The following ABCC6 variants were observed in gnomAD, a reference collection of about 807,000 sequenced individuals.
ABCC6 encodes the protein ATP binding cassette subfamily C member 6.
A neutral mutation model predicts 169.5 loss-of-function variants in ABCC6; 126 were observed. The observed-to-expected ratio is 0.74, with a 90% CI of 0.64 to 0.86. The LOEUF is 0.86. Among genes scored for constraint, ABCC6 ranks in the 40% least tolerant of loss-of-function variants. The pLI is 0.00. For missense variants in ABCC6, 1,733 were observed against 1,927.2 expected, an observed-to-expected ratio of 0.90 and a Z score of 1.89; for synonymous variants, 752 against 814.7, an observed-to-expected ratio of 0.92 and a Z score of 1.31.
chr16:16,173,747 T>C (rs551212709), intron 20 of ABCC6, among the ~76,000 whole-genome samples: 118 of 151,644 alleles, frequency 7.8e-4, no homozygotes, highest in African/African-American at 2.8e-3. Flanking sequence ...CAGGTTGGTC[T>C]CAAACTCCTG....
intron 26 of ABCC6, among the ~76,000 whole-genome samples, chr16:16,158,680 G>T (rs1482920737): frequency 6.6e-6 from 1 of 152,082 alleles, no homozygotes; most frequent in East Asian, 1.9e-4. Flanking sequence ...CTGTTATGTT[G>T]CTGGAATTTT....
At chr16:16,207,016 T>C (rs1433908050) in intron 7 of ABCC6, among the ~76,000 whole-genome samples, 1 of 152,064 alleles carries the variant, frequency 6.6e-6, no homozygotes, top group Admixed American at 6.6e-5. Context: ...GGCACACGCC[T>C]GTGGTCCCAG....
At chr16:16,214,180 C>A in intron 5 of ABCC6, 144 bp downstream of exon 5, 2 of 1,469,780 alleles carry the variant, frequency 1.4e-6, no homozygotes, top group South Asian at 2.5e-5. Flanking sequence ...TAGAAAAAGT[C>A]TGCCAACTGT....
chr16:16,211,444 A>C (rs1222403254), intron 6 of ABCC6, among the ~76,000 whole-genome samples: 1 of 152,144 alleles, frequency 6.6e-6, no homozygotes, highest in African/African-American at 2.4e-5. Flanking sequence ...ATTATTTGCC[A>C]GGCCCTGTTC....
intron 30 of ABCC6, 101 bp from the exon 31 acceptor site, chr16:16,150,342 A>C: frequency 6.4e-7 from 1 of 1,574,686 alleles, no homozygotes; most frequent in South Asian, 1.1e-5. Context: ...TCTCCATAGA[A>C]GTCCTGCTTT....
Position 16,175,942 on chromosome 16 carries a change from C to T in ABCC6, c.2635G>A (p.Ala879Thr), listed in dbSNP as rs377008733. 404 of 1,614,050 alleles carry T rather than the reference C, an allele frequency of 2.5e-4. No homozygotes were observed. The highest frequency in any genetic ancestry group is 3.4e-4 in the Non-Finnish European group (397 of 1,180,032). Residue 879 changes from alanine to threonine, a missense_variant, in exon 20 of 31, where the codon GCA (alanine) becomes ACA (threonine). By Grantham distance (58) the Ala-to-Thr change is moderately conservative. Transcript: ENST00000205557. The stretch of plus-strand genomic sequence containing the variant: ...CGTCTAAGCTCGGGCCTCCTGCCTG[C>T]AGAGGTGCCTCTGGGGTCCTTGGTG... ...TSTKDPRGTSAGRRPELRRER... is the reference protein window; with the variant it reads ...TSTKDPRGTSTGRRPELRRER...
At chr16:16,152,294 G>A (rs2046409158) in intron 29 of ABCC6, among the ~76,000 whole-genome samples, 1 of 151,044 alleles carries the variant, frequency 6.6e-6, no homozygotes, top group Non-Finnish European at 1.5e-5. Flanking sequence ...GAGATTCCAG[G>A]TTGTGAGCCC....
At chr16:16,212,472 C>T (rs970327886) in intron 5 of ABCC6, among the ~76,000 whole-genome samples, 1 of 149,908 alleles carries the variant, frequency 6.7e-6, no homozygotes, top group African/African-American at 2.5e-5. Context: ...CCACACACAG[C>T]TAATTTTTTG....
At chr16:16,150,863 G>T in intron 29 of ABCC6, 91 bp from the exon 30 acceptor site, 1 of 1,549,866 alleles carries the variant, frequency 6.5e-7, no homozygotes, top group Non-Finnish European at 8.7e-7. Flanking sequence ...CTGAAGCAGT[G>T]CAGGAGTGAG....
At position 16,220,608 on chromosome 16, in the gene ABCC6, G is replaced by C. The variant is rs4781764; in HGVS notation, c.220-661C>G. On this transcript the variant is annotated intron_variant, in intron 2 of 30. Transcript: ENST00000205557. ...ACTACAAATAAAGTTTTATTGAAAC[G>C]CAGTCGGCCGGGGGTGGTGGCTTAC... Among the ~76,000 whole-genome samples, 110 of 152,132 alleles carry C rather than the reference G, an allele frequency of 7.2e-4. 1 individual carries two copies. In the East Asian group the frequency reaches 0.021, roughly 29 times the overall value.
chr16:16,180,419 C>T (rs1036156279), intron 17 of ABCC6, among the ~76,000 whole-genome samples: 6 of 152,184 alleles, frequency 3.9e-5, no homozygotes, highest in Non-Finnish European at 8.8e-5. Flanking sequence ...TATAATTTCC[C>T]TTGTGCACTA....
intron 24 of ABCC6, 119 bp downstream of exon 24, chr16:16,162,874 A>G: frequency 1.5e-6 from 2 of 1,311,100 alleles, no homozygotes; most frequent in East Asian, 2.3e-5. Context: ...TGTGGGATCT[A>G]GCCTCAACTA....
chr16:16,203,097 C>A (rs1265918055), intron 8 of ABCC6, among the ~76,000 whole-genome samples: 1 of 152,202 alleles, frequency 6.6e-6, no homozygotes, highest in Non-Finnish European at 1.5e-5. Context: ...CTGAGCCCAG[C>A]CCACATTACT....
chr16:16,150,467 T>C, intron 30 of ABCC6, 111 bp downstream of exon 30: 2 of 1,507,850 alleles, frequency 1.3e-6, no homozygotes, highest in Non-Finnish European at 1.8e-6. Context: ...TCTGGCCCCA[T>C]TCAGGACCCC....
intron 22 of ABCC6, 126 bp from the exon 23 acceptor site, chr16:16,166,059 A>T (rs2152228951): frequency 1.0e-6 from 1 of 971,316 alleles, no homozygotes; most frequent in East Asian, 2.6e-5. Context: ...CCTGATTATT[A>T]TATTTTTTTG....
intron 9 of ABCC6, 33 bp from the exon 10 acceptor site, chr16:16,198,215 G>A: frequency 6.4e-6 from 10 of 1,558,838 alleles, no homozygotes; most frequent in African/African-American, 1.4e-5. Flanking sequence ...GAAGTAAAGT[G>A]GGGAGGCCGG....
Position 16,214,323 on chromosome 16 carries a change from C to T in ABCC6, c.600+1G>A, listed in dbSNP as rs1187315015. On this transcript the variant is annotated splice_donor_variant, in intron 5 of 30. Coordinates refer to ENST00000205557, the MANE Select transcript of ABCC6 (RefSeq NM_001171.6). LOFTEE classifies it high-confidence loss of function. ...AATGAGGTTGGAACTTGGTGACTTA[C>T]AGACTGCTGGGGGTCTTCAGGGAAG... The T allele has an allele frequency of 1.7e-5, 27 of 1,550,672 alleles. No homozygotes were observed. The highest frequency in any genetic ancestry group is 7.9e-5 in the Admixed American group (4 of 50,924).
chr16:16,204,061 CT>C (rs941151148), intron 7 of ABCC6, among the ~76,000 whole-genome samples: 310 of 144,922 alleles, frequency 2.1e-3, no homozygotes, highest in Middle Eastern at 7.3e-3. Context: ...TTTTCTTTTC[CT>C]TTTTTTTTTT....
At chr16:16,175,763 C>T in intron 20 of ABCC6, 148 bp downstream of exon 20, 1 of 846,690 alleles carries the variant, frequency 1.2e-6, no homozygotes, top group Non-Finnish European at 1.8e-6. Flanking sequence ...AATTATCCCT[C>T]AGCAGGGCAC....
Sources: allele counts gnomAD v4.1 joint callset (sites outside exome capture counted in the v4.1 genomes callset), GRCh38; gene constraint gnomAD v4.1.1; transcripts MANE v1.5; gene names NCBI Gene and HGNC (gene_info 2026-07-23, HGNC 2026-07-21).